Variants in DGKD observed in about 807,000 individuals in gnomAD.
DGKD encodes the protein diacylglycerol kinase delta.
A neutral mutation model predicts 154.4 loss-of-function variants in DGKD; 68 were observed. That is an observed-to-expected ratio of 0.44 (90% CI 0.36 to 0.54). The LOEUF (loss-of-function observed/expected upper bound fraction) is 0.54. DGKD is among the 20% of genes least tolerant of loss of function. The pLI is 0.00. For synonymous variants in DGKD, 693 were observed against 638.0 expected, an observed-to-expected ratio of 1.09 and a Z score of -1.30; for missense variants, 1,343 against 1,593.6, an observed-to-expected ratio of 0.84 and a Z score of 2.68.
intron 24 of DGKD, among the ~76,000 whole-genome samples, chr2:233,461,893 G>C (rs2063657308): frequency 6.6e-6 from 1 of 152,208 alleles, no homozygotes; most frequent in African/African-American, 2.4e-5. Context: ...CTGCTATCTG[G>C]GGTCTGGCTC....
chr2:233,414,751 A>G (rs1044303187), intron 3 of DGKD, among the ~76,000 whole-genome samples: 2 of 152,170 alleles, frequency 1.3e-5, no homozygotes, highest in Admixed American at 6.5e-5. Context: ...TAGTGTGTTT[A>G]TAGATGTTTT....
chr2:233,456,947 G>A lies in DGKD; in HGVS notation c.2424G>A (p.Glu808=), dbSNP rs759881448. ...MMWYGVLGTK[E]LLHRTYKNLE... Reference sequence around the variant, plus strand: ...GGTATGGAGTTCTTGGAACCAAAGAGTTGCTGCACAGAACCTACAAGAACC... The same window carrying A: ...GGTATGGAGTTCTTGGAACCAAAGAATTGCTGCACAGAACCTACAAGAACC... Residue 808 remains glutamate (E), a synonymous_variant, in exon 20 of 30, where the codon GAG becomes GAA. Coordinates refer to ENST00000264057, the MANE Select transcript of DGKD (RefSeq NM_152879.3). 3 of 1,614,216 alleles carry A rather than the reference G, an allele frequency of 1.9e-6. No homozygotes were observed. Among genetic ancestry groups the A allele is most frequent in the Admixed American group, 1.7e-5 (1 of 60,030 alleles).
chr2:233,434,114 T>A (rs900383083), intron 3 of DGKD, among the ~76,000 whole-genome samples: 1 of 152,244 alleles, frequency 6.6e-6, no homozygotes, highest in African/African-American at 2.4e-5. Context: ...CTACTGTGTC[T>A]AAGTAGCAAG....
At chr2:233,400,389 G>A (rs1199033220) in intron 3 of DGKD, among the ~76,000 whole-genome samples, 1 of 152,150 alleles carries the variant, frequency 6.6e-6, no homozygotes, top group Non-Finnish European at 1.5e-5. Context: ...GATGCAGGGT[G>A]GCCATTTCCA....
intron 1 of DGKD, among the ~76,000 whole-genome samples, chr2:233,372,207 G>A (rs1702358004): frequency 6.6e-6 from 1 of 152,068 alleles, no homozygotes; most frequent in Non-Finnish European, 1.5e-5. Context: ...TTTTTGTAGA[G>A]ACGGGTTCTT....
At chr2:233,421,155 G>A (rs1462003095) in intron 3 of DGKD, among the ~76,000 whole-genome samples, 2 of 152,016 alleles carry the variant, frequency 1.3e-5, no homozygotes, top group Admixed American at 1.3e-4. Flanking sequence ...GACTTTAATC[G>A]ACACCGTGCC....
chr2:233,388,177 G>T, intron 1 of DGKD, 80 bp from the exon 2 acceptor site: 1 of 1,570,342 alleles, frequency 6.4e-7, no homozygotes, highest in Non-Finnish European at 8.6e-7. Flanking sequence ...TGTTTCAGCC[G>T]CAACAGGCTG....
chr2:233,388,605 A>T, intron 2 of DGKD: 1 of 371,390 alleles, frequency 2.7e-6, no homozygotes, highest in East Asian at 4.3e-5. Flanking sequence ...TAATGGGGAA[A>T]AGGAAAAAAG....
Position 233,354,559 on chromosome 2 carries a change from A to G in DGKD, c.41A>G (p.Gln14Arg), listed in dbSNP as rs770867963. 2.7e-5 allele frequency: 28 copies of G among 1,047,872 alleles called. No homozygotes were observed. The highest frequency in any genetic ancestry group is 3.2e-5 in the Non-Finnish European group (28 of 864,660). The allele number at this position is 1,047,872 out of a possible 1,614,324, so 64.9% of individuals were successfully genotyped here. ...AAGAPPPGPP[Q>R]PPPPPPPEES... ...GGCGCCCCTCCGCCGGGTCCCCCGC[A>G]ACCGCCTCCGCCGCCGCCGCCCGAG... is the stretch of plus-strand genomic sequence containing the variant. The change falls in exon 1 of 30, where the codon CAA becomes CGA. Residue 14 changes from glutamine to arginine, a missense_variant. Physicochemically the swap from Gln to Arg is conservative, Grantham distance 43. Transcript: ENST00000264057. The surrounding 1 kb of genome is among the most constrained non-coding windows in gnomAD (Gnocchi z 4.8).
In DGKD at chr2:233,470,470, T is replaced by C. The variant is rs555523651; in HGVS notation, c.*1010T>C. The stretch of plus-strand genomic sequence containing the variant: ...TGTCTGCCCCTGCAGTGGCTTCTTG[T>C]CGCCTGCTGCTGGGCGTGATGTCGC... On this transcript the variant is annotated 3_prime_UTR_variant, in exon 30 of 30. Coordinates refer to ENST00000264057, the MANE Select transcript of DGKD (RefSeq NM_152879.3). 1.3e-5 allele frequency: 2 copies of C among 152,912 alleles called. No individual in the cohort carries two copies. The highest frequency in any genetic ancestry group is 2.9e-5 in the Non-Finnish European group (2 of 68,452). 9.5% of individuals were successfully genotyped at this position (152,912 alleles called of 1,614,324 possible).
chr2:233,357,507 G>C (rs148733395), intron 1 of DGKD, among the ~76,000 whole-genome samples: 2 of 150,620 alleles, frequency 1.3e-5, no homozygotes, highest in African/African-American at 4.9e-5. Flanking sequence ...TGGGGCCTTA[G>C]AATGTGCATT....
chr2:233,393,267 A>G (rs1703757560), intron 3 of DGKD, among the ~76,000 whole-genome samples: 1 of 149,488 alleles, frequency 6.7e-6, no homozygotes. Flanking sequence ...ACCTTGAGTG[A>G]TCTGCCTGCC....
chr2:233,444,363 G>A (rs2062995684), intron 10 of DGKD, among the ~76,000 whole-genome samples: 1 of 151,840 alleles, frequency 6.6e-6, no homozygotes, highest in Non-Finnish European at 1.5e-5. Flanking sequence ...ACCTTTCCCG[G>A]GGCATTTCTG....
intron 1 of DGKD, among the ~76,000 whole-genome samples, chr2:233,372,998 G>T (rs1040471057): frequency 6.6e-6 from 1 of 152,202 alleles, no homozygotes; most frequent in Non-Finnish European, 1.5e-5. Flanking sequence ...CCAGTGTAAT[G>T]ACTCAGTGAG....
intron 3 of DGKD, among the ~76,000 whole-genome samples, chr2:233,430,289 G>A (rs11892545): frequency 0.088 from 13,343 of 152,230 alleles, 669 homozygotes; most frequent in African/African-American, 0.14. Context: ...ATAATTCACG[G>A]CAACACTATG....
At chr2:233,429,745 A>G (rs932454516) in intron 3 of DGKD, among the ~76,000 whole-genome samples, 2 of 152,234 alleles carry the variant, frequency 1.3e-5, no homozygotes, top group African/African-American at 4.8e-5. Flanking sequence ...CAGAAGGCAG[A>G]CGGCCCCTCC....
At chr2:233,367,904 C>T (rs1416190982) in intron 1 of DGKD, among the ~76,000 whole-genome samples, 5 of 138,164 alleles carry the variant, frequency 3.6e-5, no homozygotes, top group Non-Finnish European at 7.7e-5. Flanking sequence ...TTAAGCCAGT[C>T]TGGTCTTGAA....
At chr2:233,394,691 C>CGT (rs1703886425) in intron 3 of DGKD, among the ~76,000 whole-genome samples, 7 of 26,392 alleles carry the variant, frequency 2.7e-4, no homozygotes, top group Non-Finnish European at 3.8e-4. Flanking sequence ...ATTTAATTCC[C>CGT]TTTTTTTTTT....
chr2:233,438,404 T>C lies in DGKD; in HGVS notation c.1085+25T>C. 1 of 1,581,196 alleles carries C rather than the reference T, an allele frequency of 6.3e-7. No individual in the cohort carries two copies. Among genetic ancestry groups the C allele is most frequent in the Non-Finnish European group, 8.6e-7 (1 of 1,162,478 alleles). On this transcript the variant is annotated intron_variant, in intron 9 of 29. Coordinates refer to ENST00000264057, the MANE Select transcript of DGKD (RefSeq NM_152879.3). This position sits in a 1 kb window ranked among gnomAD's most constrained non-coding sequence, Gnocchi z 4.1. The stretch of plus-strand genomic sequence containing the variant: ...GGTAGGAAGCTTGTAAAATATATCT[T>C]TCTTGGAGTTTTAAAAATTGTGTAG...
Sources: gnomAD v4.1 joint callset for allele counts (sites outside exome capture counted in the v4.1 genomes callset) on GRCh38, gnomAD v4.1.1 for gene constraint, Gnocchi (gnomAD v3.1) non-coding constraint, MANE v1.5 for transcripts, NCBI Gene and HGNC (gene_info 2026-07-23, HGNC 2026-07-21) for gene names.